COLEC10: variants seen among roughly 807,000 people sequenced by gnomAD.
The protein encoded by COLEC10 is collectin subfamily member 10.
COLEC10 carries 22 observed loss-of-function variants against 28.4 expected under a neutral mutation model. The ratio of observed to expected loss-of-function variants is 0.78; its 90% confidence interval spans 0.55 to 1.11. The LOEUF (loss-of-function observed/expected upper bound fraction) is 1.11, where lower values mean the gene tolerates loss of function less well. Among genes scored for constraint, COLEC10 ranks in the 50% least tolerant of loss-of-function variants. The pLI is 0.00. For missense variants in COLEC10, 361 were observed against 344.1 expected (o/e 1.05, Z -0.39); for synonymous variants, 125 against 116.1 (o/e 1.08, Z -0.49).
chr8:118,978,255 T>C, the COLEC10 span, among the ~76,000 whole-genome samples: 2 of 152,094 alleles, frequency 1.3e-5, no homozygotes, highest in Non-Finnish European at 2.9e-5. Context: ...TAAGTTATAA[T>C]AGGGTAATTA....
chr8:119,084,510 A>T (rs2130263815), intron 1 of COLEC10, among the ~76,000 whole-genome samples: 1 of 152,326 alleles, frequency 6.6e-6, no homozygotes, highest in Non-Finnish European at 1.5e-5. Flanking sequence ...TACTCCTCTG[A>T]ATGTCTACTT....
In COLEC10 at chr8:119,058,906, C is replaced by T. The variant is rs78198696; in HGVS notation, n.236-30774C>T. 4.7e-3 allele frequency among the ~76,000 whole-genome samples: 715 copies of T among 152,028 alleles called. 3 individuals are homozygous for T. The highest frequency in any genetic ancestry group is 0.012 in the African/African-American group (510 of 41,494). On this transcript the variant is annotated intron_variant and non_coding_transcript_variant, in intron 2 of 6. Transcript: ENST00000521788. ...AAAATGAATGAGGGCTTCAATTTAC[C>T]GCATTTCAGCAAACAGTATTGTCAC...
intron 2 of COLEC10, among the ~76,000 whole-genome samples, chr8:119,048,179 G>T (rs887566925): frequency 6.6e-6 from 1 of 152,114 alleles, no homozygotes; most frequent in Admixed American, 6.5e-5. Flanking sequence ...AGTGTCTATT[G>T]TTCCCATGTT....
At chr8:119,055,139 TTC>T in intron 2 of COLEC10, among the ~76,000 whole-genome samples, 1 of 152,222 alleles carries the variant, frequency 6.6e-6, no homozygotes, top group East Asian at 1.9e-4. Context: ...ATGGATTGTA[TTC>T]TGTTTTATCA....
intron 3 of COLEC10, among the ~76,000 whole-genome samples, chr8:119,096,509 T>C (rs982580033): frequency 6.6e-6 from 1 of 150,802 alleles, no homozygotes; most frequent in Non-Finnish European, 1.5e-5. Flanking sequence ...GAGAATCACT[T>C]GAACCAGGGA....
chr8:119,107,428 C>T lies in COLEC10; in HGVS notation c.*1237C>T, dbSNP rs139826606. 6.6e-6 allele frequency among the ~76,000 whole-genome samples: 1 copy of T among 152,312 alleles called. No homozygotes were observed. Among genetic ancestry groups the T allele is most frequent in the East Asian group, 1.9e-4 (1 of 5,186 alleles). On this transcript the variant is annotated 3_prime_UTR_variant, in exon 6 of 6. Coordinates refer to ENST00000332843, the MANE Select transcript of COLEC10 (RefSeq NM_006438.5). ...TTTAAAAATAAACAGTTCAAAGATA[C>T]TCTAGATTATCACCCTATAAACTTC... is the stretch of plus-strand genomic sequence containing the variant.
At chr8:119,013,888 A>G (rs1362091731) in intron 2 of COLEC10, among the ~76,000 whole-genome samples, 1 of 150,854 alleles carries the variant, frequency 6.6e-6, no homozygotes, top group Admixed American at 6.6e-5. Context: ...ATGTACACTT[A>G]CAACTAATCC....
intron 2 of COLEC10, among the ~76,000 whole-genome samples, chr8:119,020,178 G>A (rs16891850): frequency 0.22 from 33,966 of 151,938 alleles, 3,976 homozygotes; most frequent in East Asian, 0.37. Flanking sequence ...CTGGGTTTCT[G>A]CTGCTCTGCC....
rs909789687 is a variant in COLEC10 at position 119,059,523 on chromosome 8, T to C, written n.236-30157T>C. On this transcript the variant is annotated intron_variant and non_coding_transcript_variant, in intron 2 of 6. Transcript: ENST00000521788. ...AATCAATGAACCATTAATGTGAGAA[T>C]GTATTTCTGGGCTTACTAGTTGATT... Among the ~76,000 whole-genome samples the C allele has an allele frequency of 3.2e-4, 48 of 152,096 alleles. 2 individuals are homozygous for C. Among genetic ancestry groups the C allele is most frequent in the Admixed American group, 1.3e-4 (2 of 15,238 alleles).
At chr8:119,074,214 C>T (rs1815180942) in intron 1 of COLEC10, among the ~76,000 whole-genome samples, 1 of 151,736 alleles carries the variant, frequency 6.6e-6, no homozygotes. Context: ...TGAATAAGAC[C>T]TAATATTTGA....
intron 2 of COLEC10, among the ~76,000 whole-genome samples, chr8:119,033,771 G>A (rs1317025135): frequency 2.6e-5 from 4 of 152,170 alleles, no homozygotes; most frequent in African/African-American, 7.2e-5. Context: ...GGAGAAATAG[G>A]AATGCTTTTA....
rs1474855005 is a variant in COLEC10, at chr8:119,067,410, A to G, written c.129A>G (p.Thr43=). 2 of 1,613,886 alleles carry G rather than the reference A, an allele frequency of 1.2e-6. No homozygotes were observed. The highest frequency in any genetic ancestry group is 2.2e-5 in the South Asian group (2 of 91,024). The part of the protein sequence containing the change: ...RPTAEVCATH[T]ISPGPKGDDG... Reference sequence around the variant, plus strand: ...CCGCTGAAGTCTGTGCCACACACACAATTTCACCAGGACCCAAAGGTGAGG... The same window carrying G: ...CCGCTGAAGTCTGTGCCACACACACGATTTCACCAGGACCCAAAGGTGAGG... The change falls in exon 1 of 6, where the codon ACA becomes ACG. Residue 43 remains threonine, a synonymous_variant. Coordinates refer to ENST00000332843, the MANE Select transcript of COLEC10 (RefSeq NM_006438.5).
intron 2 of COLEC10, among the ~76,000 whole-genome samples, chr8:119,012,210 C>A (rs1489073631): frequency 6.6e-6 from 1 of 150,828 alleles, no homozygotes; most frequent in Non-Finnish European, 1.5e-5. Context: ...ACATTCCCTG[C>A]ATCTACTGAT....
At chr8:118,952,969 A>G in the COLEC10 span, among the ~76,000 whole-genome samples, 1 of 152,192 alleles carries the variant, frequency 6.6e-6, no homozygotes, top group Non-Finnish European at 1.5e-5. Context: ...CATCAGGGCC[A>G]AGTGTTCAAG....
At chr8:119,008,000 C>CA (rs549536914) in intron 1 of COLEC10, among the ~76,000 whole-genome samples, 1 of 150,524 alleles carries the variant, frequency 6.6e-6, no homozygotes, top group Non-Finnish European at 1.5e-5. Flanking sequence ...TTACTAAGTA[C>CA]AAAAAAATTA....
In COLEC10 at chr8:119,060,052, C is replaced by A. The variant is rs1223179228; in HGVS notation, n.236-29628C>A. 2.0e-5 allele frequency among the ~76,000 whole-genome samples: 3 copies of A among 152,060 alleles called. No individual in the cohort carries two copies. In the East Asian group the frequency reaches 5.8e-4, roughly 29 times the overall value. ...GTTGAGCCTCATCTCAGCACACCTA[C>A]CCACAGAAGTTGCTTGAAATTATTT... On this transcript the variant is annotated intron_variant and non_coding_transcript_variant, in intron 2 of 6. Transcript: ENST00000521788.
chr8:118,980,261 GC>G, the COLEC10 span, among the ~76,000 whole-genome samples: 1 of 151,044 alleles, frequency 6.6e-6, no homozygotes, highest in African/African-American at 2.4e-5. Context: ...TTGCAACGGG[GC>G]CATCTCAGCT....
the COLEC10 span, chr8:118,982,515 G>A: frequency 1.9e-5 from 3 of 159,742 alleles, no homozygotes; most frequent in African/African-American, 7.1e-5. Context: ...CACATCTAAT[G>A]GCCCTCAGAA....
intron 3 of COLEC10, among the ~76,000 whole-genome samples, chr8:119,098,767 A>C (rs1815767717): frequency 1.3e-5 from 2 of 152,140 alleles, no homozygotes; most frequent in African/African-American, 4.8e-5. Context: ...ATTAGCTATT[A>C]AGATTTTCTT....
Sources: allele counts gnomAD v4.1 joint callset (sites outside exome capture counted in the v4.1 genomes callset), GRCh38; gene constraint gnomAD v4.1.1; transcripts MANE v1.5; gene names NCBI Gene and HGNC (gene_info 2026-07-23, HGNC 2026-07-21).